The following ATP8A2 variants were observed in gnomAD, a reference collection of about 807,000 sequenced individuals.
ATP8A2 encodes the protein ATPase phospholipid transporting 8A2.
In ATP8A2, 100 loss-of-function variants were observed where a neutral mutation model predicts 165.6. The observed-to-expected ratio is 0.60, with a 90% CI of 0.51 to 0.71. The LOEUF is 0.71. Among genes scored for constraint, ATP8A2 ranks in the 30% least tolerant of loss-of-function variants. The pLI is 0.00. For missense variants in ATP8A2, 1,227 were observed against 1,479.5 expected (o/e 0.83, Z 2.80); for synonymous variants, 543 against 548.8 (o/e 0.99, Z 0.15).
chr13:25,839,895 G>A (rs537728666), intron 30 of ATP8A2, among the ~76,000 whole-genome samples: 4 of 152,248 alleles, frequency 2.6e-5, no homozygotes, highest in African/African-American at 9.6e-5. Flanking sequence ...AACTATTTGA[G>A]TCAGAGATCT....
At chr13:25,826,468 C>T (rs1951315459) in intron 27 of ATP8A2, among the ~76,000 whole-genome samples, 1 of 152,160 alleles carries the variant, frequency 6.6e-6, no homozygotes, top group African/African-American at 2.4e-5. Context: ...AAGTATCATA[C>T]TGGATACAGT....
At position 25,961,602 on chromosome 13, in the gene ATP8A2, T is replaced by G; in HGVS notation, c.3211T>G (p.Phe1071Val). 1.2e-6 allele frequency: 2 copies of G among 1,614,126 alleles called. No individual in the cohort carries two copies. Among genetic ancestry groups the G allele is most frequent in the Non-Finnish European group, 1.7e-6 (2 of 1,179,952 alleles). Residue 1071 changes from phenylalanine to valine, a missense_variant, in exon 34 of 37, where the codon TTC (phenylalanine) becomes GTC (valine). Coordinates refer to ENST00000381655, the MANE Select transcript of ATP8A2 (RefSeq NM_016529.6). ...QATMVLSSAH[F>V]WLGLFLVPTA... The stretch of plus-strand genomic sequence containing the variant: ...AACTATGGTCCTGAGCTCCGCACAC[T>G]TCTGGTTGGGATTATTTCTGGTTCC...
chr13:25,954,382 A>T (rs78835901), intron 33 of ATP8A2, among the ~76,000 whole-genome samples: 1 of 152,164 alleles, frequency 6.6e-6, no homozygotes, highest in Non-Finnish European at 1.5e-5. Flanking sequence ...TAAAACTCCC[A>T]TCTCCCTGGG....
intron 24 of ATP8A2, among the ~76,000 whole-genome samples, chr13:25,631,130 T>A (rs771666149): frequency 6.6e-6 from 1 of 152,148 alleles, no homozygotes. Context: ...TCCCAGGCAA[T>A]GTTAAGTAAG....
chr13:25,466,324 T>C (rs2035667325), intron 1 of ATP8A2, among the ~76,000 whole-genome samples: 1 of 152,170 alleles, frequency 6.6e-6, no homozygotes, highest in African/African-American at 2.4e-5. Flanking sequence ...TTCTTGCCCT[T>C]GCCCACAATG....
At chr13:25,842,550 T>TA (rs1200281032) in intron 30 of ATP8A2, among the ~76,000 whole-genome samples, 1 of 151,912 alleles carries the variant, frequency 6.6e-6, no homozygotes, top group Non-Finnish European at 1.5e-5. Flanking sequence ...CAGGCACCTA[T>TA]AATCCCAGCT....
intron 33 of ATP8A2, among the ~76,000 whole-genome samples, chr13:25,932,854 TCTTTTTTTTTGAGACGGAGTCTCA>T (rs1174787185): frequency 3.3e-5 from 5 of 152,184 alleles, no homozygotes; most frequent in Admixed American, 6.5e-5. Context: ...CATGAACTTT[TCTTTTTTTTTGAGACGGAGTCTCA>T]CTCTGTCACC....
chr13:25,856,712 A>G (rs1460422514), intron 30 of ATP8A2, among the ~76,000 whole-genome samples: 1 of 152,146 alleles, frequency 6.6e-6, no homozygotes, highest in East Asian at 1.9e-4. Context: ...CATCACCCCA[A>G]ACTGAAACTC....
intron 33 of ATP8A2, among the ~76,000 whole-genome samples, chr13:25,930,697 A>G (rs1954748855): frequency 6.6e-6 from 1 of 152,292 alleles, no homozygotes; most frequent in South Asian, 2.1e-4. Context: ...GTGCCCAGCA[A>G]GTGGCTCAGT....
chr13:25,487,439 C>T (rs2036387023), intron 2 of ATP8A2, among the ~76,000 whole-genome samples: 2 of 152,212 alleles, frequency 1.3e-5, no homozygotes, highest in African/African-American at 4.8e-5. Context: ...CATTTGTTGT[C>T]ACCCTCATGC....
At chr13:25,390,813 C>G (rs1023465316) in intron 1 of ATP8A2, among the ~76,000 whole-genome samples, 1 of 151,800 alleles carries the variant, frequency 6.6e-6, no homozygotes, top group Admixed American at 6.6e-5. Context: ...ACCTGTAATC[C>G]CAGCTACTCA....
chr13:25,962,464 T>C (rs1298133350), intron 34 of ATP8A2, among the ~76,000 whole-genome samples: 1 of 152,236 alleles, frequency 6.6e-6, no homozygotes, highest in Non-Finnish European at 1.5e-5. Context: ...TAACATATAT[T>C]GTTTTCAAGA....
chr13:25,863,166 C>T (rs969023141), intron 33 of ATP8A2: 5 of 152,272 alleles, frequency 3.3e-5, no homozygotes, highest in Admixed American at 3.3e-4. Context: ...CCAGCACTGC[C>T]CTTAAACCCC....
At chr13:25,480,641 G>A (rs370228352) in intron 2 of ATP8A2, among the ~76,000 whole-genome samples, 2 of 151,356 alleles carry the variant, frequency 1.3e-5, no homozygotes, top group African/African-American at 2.4e-5. Flanking sequence ...ATGGGATGGC[G>A]GCCGGGCAGA....
chr13:25,432,878 G>T (rs1000623065), intron 1 of ATP8A2, among the ~76,000 whole-genome samples: 55 of 152,256 alleles, frequency 3.6e-4, no homozygotes, highest in African/African-American at 1.2e-3. Flanking sequence ...TCATGAGAGG[G>T]TCAGTTTGTG....
At chr13:25,488,743 C>A (rs2036427654) in intron 2 of ATP8A2, among the ~76,000 whole-genome samples, 1 of 152,100 alleles carries the variant, frequency 6.6e-6, no homozygotes, top group Non-Finnish European at 1.5e-5. Flanking sequence ...TACTCTATCA[C>A]ACGGTCATTT....
chr13:25,781,376 A>G (rs1454769814), intron 27 of ATP8A2, among the ~76,000 whole-genome samples: 2 of 152,194 alleles, frequency 1.3e-5, no homozygotes, highest in African/African-American at 4.8e-5. Context: ...TTGCAAACAT[A>G]TATTTCCTTT....
chr13:25,656,210 T>A (rs2041923452), intron 24 of ATP8A2, among the ~76,000 whole-genome samples: 1 of 152,178 alleles, frequency 6.6e-6, no homozygotes, highest in South Asian at 2.1e-4. Context: ...TAGCTGACAG[T>A]GCTCAAGTGC....
intron 24 of ATP8A2, among the ~76,000 whole-genome samples, chr13:25,697,257 G>C (rs1264102888): frequency 6.7e-6 from 1 of 149,012 alleles, no homozygotes; most frequent in Non-Finnish European, 1.5e-5. Flanking sequence ...TTCCTTGATA[G>C]GGAAAATTCT....
Sources: allele counts gnomAD v4.1 joint callset (sites outside exome capture counted in the v4.1 genomes callset), GRCh38; gene constraint gnomAD v4.1.1; transcripts MANE v1.5; gene names NCBI Gene and HGNC (gene_info 2026-07-23, HGNC 2026-07-21).